The following AUTS2 variants were observed in gnomAD, a reference collection of about 807,000 sequenced individuals.
The protein encoded by AUTS2 is autism susceptibility gene 2 protein.
A neutral mutation model predicts 112.4 loss-of-function variants in AUTS2; 17 were observed. That is an observed-to-expected ratio of 0.15 (90% confidence interval 0.10 to 0.23). AUTS2 has a LOEUF of 0.23. Among genes scored for constraint, AUTS2 ranks in the 10% least tolerant of loss-of-function variants. AUTS2 has a pLI of 1.00. For synonymous variants in AUTS2, 751 were observed against 702.7 expected, an observed-to-expected ratio of 1.07 and a Z score of -1.09; for missense variants, 1,510 against 1,701.6, an observed-to-expected ratio of 0.89 and a Z score of 1.98.
intron 4 of AUTS2, among the ~76,000 whole-genome samples, chr7:70,311,440 T>C (rs1448965653): frequency 6.6e-6 from 1 of 152,234 alleles, no homozygotes; most frequent in African/African-American, 2.4e-5. Context: ...TTTCTGTTTT[T>C]CTGGTACTTG....
At chr7:70,156,819 G>T (rs1312199867) in intron 4 of AUTS2, among the ~76,000 whole-genome samples, 2 of 144,582 alleles carry the variant, frequency 1.4e-5, no homozygotes, top group Non-Finnish European at 3.0e-5. Flanking sequence ...GGAAGCCGAG[G>T]CAGGTGGATC....
intron 14 of AUTS2, among the ~76,000 whole-genome samples, chr7:70,777,722 T>A (rs977996364): frequency 3.3e-5 from 5 of 152,356 alleles, no homozygotes; most frequent in African/African-American, 7.2e-5. Flanking sequence ...TTTTGTTCCC[T>A]TTATAATTTT....
intron 2 of AUTS2, among the ~76,000 whole-genome samples, chr7:70,011,747 T>G (rs568437061): frequency 6.6e-6 from 1 of 152,292 alleles, no homozygotes; most frequent in South Asian, 2.1e-4. Context: ...TAATCCAGAT[T>G]GCTTCTGTCA....
intron 1 of AUTS2, among the ~76,000 whole-genome samples, chr7:69,880,262 C>T (rs1045800135): frequency 6.6e-6 from 1 of 152,154 alleles, no homozygotes; most frequent in East Asian, 1.9e-4. Flanking sequence ...AATCCGTCCC[C>T]ATCATCCAGT....
rs539948673 is a variant in AUTS2 at position 70,052,027 on chromosome 7, T to C, written c.523-66105T>C. 2.7e-4 allele frequency among the ~76,000 whole-genome samples: 41 copies of C among 152,262 alleles called. No individual in the cohort carries two copies. In the South Asian group the frequency reaches 8.3e-3, roughly 31 times the overall value. The stretch of plus-strand genomic sequence containing the variant: ...TGAAATTTGAAACTAGTGTCCTGTG[T>C]ACTACAATATATGGTCACAACAAGC... On this transcript the variant is annotated intron_variant, in intron 2 of 18. Transcript: ENST00000342771.
intron 2 of AUTS2, among the ~76,000 whole-genome samples, chr7:69,980,075 A>G (rs1798232501): frequency 6.6e-6 from 1 of 150,806 alleles, no homozygotes; most frequent in African/African-American, 2.4e-5. Flanking sequence ...TCCCCACTTC[A>G]CCCCCTCATC....
chr7:70,214,467 G>T (rs985201045), intron 4 of AUTS2, among the ~76,000 whole-genome samples: 1 of 152,034 alleles, frequency 6.6e-6, no homozygotes, highest in Non-Finnish European at 1.5e-5. Flanking sequence ...AAACAGTGTT[G>T]CATACAACAC....
chr7:69,648,554 T>C (rs1211400558), intron 1 of AUTS2, among the ~76,000 whole-genome samples: 1 of 151,960 alleles, frequency 6.6e-6, no homozygotes, highest in Non-Finnish European at 1.5e-5. Context: ...ATAGAAAACG[T>C]GCAAGAAAAG....
chr7:70,790,027 C>T lies in AUTS2; in HGVS notation c.2811C>T (p.Ala937=), dbSNP rs768476727. The change falls in exon 19 of 19, where the codon GCC becomes GCT. Residue 937 remains alanine (A), a synonymous_variant. Transcript: ENST00000342771. The surrounding 1 kb of genome is among the most constrained non-coding windows in gnomAD (Gnocchi z 7.6). The part of the protein sequence containing the change: ...RAAGEEAKQL[A]RVPSPYVRTP... ...CGGGCGAAGAGGCCAAGCAGCTGGC[C>T]CGGGTGCCGTCTCCCTACGTGCGGA... The T allele has an allele frequency of 1.3e-6, 2 of 1,587,498 alleles. No homozygotes were observed. Among genetic ancestry groups the T allele is most frequent in the Non-Finnish European group, 1.7e-6 (2 of 1,167,788 alleles).
intron 5 of AUTS2, among the ~76,000 whole-genome samples, chr7:70,633,155 G>A (rs2129538662): frequency 6.6e-6 from 1 of 152,306 alleles, no homozygotes; most frequent in South Asian, 2.1e-4. Flanking sequence ...TGTGTTGGGA[G>A]AACCTAAAGC....
intron 4 of AUTS2, among the ~76,000 whole-genome samples, chr7:70,222,245 A>G (rs78783616): frequency 0.02 from 3,054 of 152,348 alleles, 56 homozygotes; most frequent in Non-Finnish European, 0.03. Flanking sequence ...AATAAACAAT[A>G]TTATTTCTTA....
chr7:69,810,459 AC>A, intron 1 of AUTS2, among the ~76,000 whole-genome samples: 1 of 152,010 alleles, frequency 6.6e-6, no homozygotes, highest in South Asian at 2.1e-4. Context: ...CCCTTGGCAC[AC>A]AGTAGTTGTT....
In AUTS2 at chr7:70,749,628, C is replaced by T. The variant is rs375817998; in HGVS notation, c.743-13242C>T. 2.7e-4 allele frequency among the ~76,000 whole-genome samples: 41 copies of T among 152,298 alleles called. 1 individual carries two copies. In the South Asian group the frequency reaches 7.9e-3, roughly 29 times the overall value. On this transcript the variant is annotated intron_variant, in intron 6 of 18. Coordinates refer to ENST00000342771, the MANE Select transcript of AUTS2 (RefSeq NM_015570.4). The stretch of plus-strand genomic sequence containing the variant: ...TTTCATGGATTCATTTTAGCAGCAT[C>T]TCTGGTGCTCACGCATAAGCTAGTC...
intron 14 of AUTS2, among the ~76,000 whole-genome samples, chr7:70,779,732 G>A (rs936987821): frequency 1.3e-5 from 2 of 152,098 alleles, no homozygotes; most frequent in African/African-American, 2.4e-5. Context: ...AGATGAGTCC[G>A]GGAGATCAGA....
chr7:70,550,443 G>T (rs1366961597), intron 5 of AUTS2, among the ~76,000 whole-genome samples: 1 of 152,102 alleles, frequency 6.6e-6, no homozygotes, highest in Non-Finnish European at 1.5e-5. Context: ...AAAATAAGCT[G>T]AACAGTGCTT....
At chr7:70,221,627 C>T (rs1293598883) in intron 4 of AUTS2, among the ~76,000 whole-genome samples, 1 of 152,228 alleles carries the variant, frequency 6.6e-6, no homozygotes, top group Non-Finnish European at 1.5e-5. Context: ...TGACTCACGC[C>T]TGTATTCCCA....
chr7:70,567,962 G>A (rs950764355), intron 5 of AUTS2, among the ~76,000 whole-genome samples: 1 of 152,206 alleles, frequency 6.6e-6, no homozygotes, highest in Admixed American at 6.5e-5. Flanking sequence ...GTTTCTCAGA[G>A]TCTGTTTCTC....
chr7:70,711,106 C>T (rs1422060404), intron 6 of AUTS2, among the ~76,000 whole-genome samples: 1 of 152,192 alleles, frequency 6.6e-6, no homozygotes, highest in African/African-American at 2.4e-5. Context: ...AACCTGTTAC[C>T]CCTGTGTGGC....
At chr7:70,364,660 T>C (rs1268416660) in intron 4 of AUTS2, among the ~76,000 whole-genome samples, 1 of 151,692 alleles carries the variant, frequency 6.6e-6, no homozygotes, top group African/African-American at 2.4e-5. Flanking sequence ...AGTATTTCAA[T>C]TTAAATAAAT....
Sources: gnomAD v4.1 joint callset for allele counts (sites outside exome capture counted in the v4.1 genomes callset) on GRCh38, gnomAD v4.1.1 for gene constraint, Gnocchi (gnomAD v3.1) non-coding constraint, MANE v1.5 for transcripts, NCBI Gene and HGNC (gene_info 2026-07-23, HGNC 2026-07-21) for gene names.